HDAC8: variants seen among roughly 807,000 people sequenced by gnomAD.
HDAC8 encodes histone deacetylase-like 1.
A neutral mutation model predicts 32.2 loss-of-function variants in HDAC8; 1 was observed. The observed-to-expected ratio is 0.03, with a 90% confidence interval of 0.01 to 0.15. The LOEUF (loss-of-function observed/expected upper bound fraction) is 0.15. Ranked by LOEUF, HDAC8 falls within the 10% of genes least tolerant of loss-of-function variation. The pLI, the probability that HDAC8 is intolerant of heterozygous loss-of-function variation, is 1.00. For missense variants in HDAC8, 117 were observed against 300.0 expected (o/e 0.39, Z 4.51); for synonymous variants, 108 against 113.9 (o/e 0.95, Z 0.33).
At chrX:72,401,642 C>T (rs2045904741) in intron 9 of HDAC8, among the ~76,000 whole-genome samples, 2 of 112,413 alleles carry the variant, frequency 1.8e-5, no homozygotes, top group South Asian at 7.4e-4. Flanking sequence ...AACATCTTTT[C>T]ATGCCCTTGT....
intron 9 of HDAC8, among the ~76,000 whole-genome samples, chrX:72,379,903 T>G (rs2045220523): frequency 9.0e-6 from 1 of 110,869 alleles, no homozygotes; most frequent in Admixed American, 9.7e-5. Context: ...AGCTAATGAT[T>G]GTACAGAGAA....
chrX:72,439,639 CAAAAA>C (rs782744436), intron 9 of HDAC8, among the ~76,000 whole-genome samples: 4 of 36,232 alleles, frequency 1.1e-4, no homozygotes, highest in Non-Finnish European at 1.1e-4. Flanking sequence ...AAATGGAAAG[CAAAAA>C]AAAAAAAAAA....
chrX:72,481,366 C>G (rs1443364848), intron 7 of HDAC8, among the ~76,000 whole-genome samples: 1 of 111,655 alleles, frequency 9.0e-6, no homozygotes, highest in African/African-American at 3.3e-5. Context: ...GGTGGGGACA[C>G]AAAGCTAGAC....
At chrX:72,542,693 G>A (rs1348616360) in intron 4 of HDAC8, among the ~76,000 whole-genome samples, 1 of 111,920 alleles carries the variant, frequency 8.9e-6, no homozygotes, top group Non-Finnish European at 1.9e-5. Flanking sequence ...GGAAGGGCGT[G>A]AAGTTCAAGG....
In HDAC8 at chrX:72,434,445, T is replaced by G. The variant is rs909046266; in HGVS notation, c.1005+27559A>C. ...TTTGCTGAATGCCTGGTACTATGACTTTATCTAAATATAAAACTCAAATAT... is the reference window on the plus strand; with the variant it reads ...TTTGCTGAATGCCTGGTACTATGACGTTATCTAAATATAAAACTCAAATAT... On this transcript the variant is annotated intron_variant, in intron 9 of 10. Coordinates refer to ENST00000373573, the MANE Select transcript of HDAC8 (RefSeq NM_018486.3). Among the ~76,000 whole-genome samples the G allele has an allele frequency of 3.3e-4, 37 of 112,156 alleles. 1 individual carries two copies. Among genetic ancestry groups the G allele is most frequent in the African/African-American group, 1.1e-3 (33 of 30,886 alleles).
At position 72,354,505 on chromosome X, in the gene HDAC8, A is replaced by G. The variant is rs1335713738; in HGVS notation, c.1006-2667T>C. Among the ~76,000 whole-genome samples, 6 of 112,587 alleles carry G rather than the reference A, an allele frequency of 5.3e-5. No homozygotes were observed. The Admixed American group carries it at 5.6e-4, about 11-fold the overall frequency. ...ACTCACCAAGGGTTTAGCTAGCCAT[A>G]TAGCTAATTGTGTGAAATAATTCAA... On this transcript the variant is annotated intron_variant, in intron 9 of 10. Coordinates refer to ENST00000373573, the MANE Select transcript of HDAC8 (RefSeq NM_018486.3).
At chrX:72,522,132 A>G in intron 4 of HDAC8, among the ~76,000 whole-genome samples, 1 of 112,123 alleles carries the variant, frequency 8.9e-6, no homozygotes, top group East Asian at 2.8e-4. Context: ...ACTCTCTGAC[A>G]CCTGGGGTAA....
intron 9 of HDAC8, among the ~76,000 whole-genome samples, chrX:72,404,517 T>C (rs1294627366): frequency 9.0e-6 from 1 of 111,385 alleles, no homozygotes; most frequent in Non-Finnish European, 1.9e-5. Flanking sequence ...AGCCAAAGTC[T>C]TTTCTTTCTT....
At chrX:72,344,483 A>C (rs1405254599) in intron 10 of HDAC8, among the ~76,000 whole-genome samples, 3 of 112,114 alleles carry the variant, frequency 2.7e-5, no homozygotes, top group Non-Finnish European at 5.6e-5. Flanking sequence ...ATATTCACTT[A>C]ACATTGTAAT....
chrX:72,384,714 A>G (rs1391655119), intron 9 of HDAC8, among the ~76,000 whole-genome samples: 1 of 112,725 alleles, frequency 8.9e-6, no homozygotes, highest in Non-Finnish European at 1.9e-5. Context: ...ATATGTATTT[A>G]GTTAAAAATT....
chrX:72,546,407 G>A (rs191588359), intron 4 of HDAC8, among the ~76,000 whole-genome samples: 19 of 111,088 alleles, frequency 1.7e-4, no homozygotes, highest in African/African-American at 4.3e-4. Context: ...TCATGTTAGA[G>A]ATGTGGGTCT....
At chrX:72,534,299 GTGTA>G (rs1425281249) in intron 4 of HDAC8, among the ~76,000 whole-genome samples, 21 of 88,895 alleles carry the variant, frequency 2.4e-4, no homozygotes, top group African/African-American at 9.2e-4. Context: ...ATATATATAT[GTGTA>G]TATATATATA....
chrX:72,510,285 T>G (rs782503820), intron 4 of HDAC8, among the ~76,000 whole-genome samples: 1 of 112,127 alleles, frequency 8.9e-6, no homozygotes, highest in Admixed American at 9.5e-5. Flanking sequence ...ATCCATTAAC[T>G]GTGTGACAAA....
chrX:72,421,248 G>T (rs1431562792), intron 9 of HDAC8, among the ~76,000 whole-genome samples: 1 of 110,342 alleles, frequency 9.1e-6, no homozygotes, highest in Non-Finnish European at 1.9e-5. Context: ...TTTATTTTAA[G>T]CTCAGGTGTA....
chrX:72,562,057 A>G (rs2051583546), intron 4 of HDAC8, among the ~76,000 whole-genome samples: 2 of 112,327 alleles, frequency 1.8e-5, no homozygotes, highest in African/African-American at 6.5e-5. Context: ...TGTGGTGAAA[A>G]GGGAACACTT....
intron 5 of HDAC8, among the ~76,000 whole-genome samples, chrX:72,493,609 C>T (rs1373425994): frequency 1.8e-5 from 2 of 111,618 alleles, no homozygotes; most frequent in African/African-American, 6.5e-5. Context: ...CTCTATTGCA[C>T]ACGCACACAC....
intron 4 of HDAC8, among the ~76,000 whole-genome samples, chrX:72,499,676 C>A (rs2049142733): frequency 9.0e-6 from 1 of 111,432 alleles, no homozygotes; most frequent in Non-Finnish European, 1.9e-5. Flanking sequence ...GCACTAAATG[C>A]CCACATCAAA....
intron 9 of HDAC8, among the ~76,000 whole-genome samples, chrX:72,386,767 G>A (rs1569259648): frequency 9.0e-6 from 1 of 111,481 alleles, no homozygotes; most frequent in Non-Finnish European, 1.9e-5. Flanking sequence ...CTCCAAACCT[G>A]GGTGTATCCG....
At chrX:72,410,651 A>G (rs2046165702) in intron 9 of HDAC8, among the ~76,000 whole-genome samples, 1 of 111,555 alleles carries the variant, frequency 9.0e-6, no homozygotes, top group African/African-American at 3.3e-5. Flanking sequence ...TACTGCAAAA[A>G]TGTTTCTTGA....
Sources: allele counts gnomAD v4.1 joint callset (sites outside exome capture counted in the v4.1 genomes callset), GRCh38; gene constraint gnomAD v4.1.1; transcripts MANE v1.5; gene names NCBI Gene and HGNC (gene_info 2026-07-23, HGNC 2026-07-21).